Variants in GRIN2A observed in about 807,000 individuals in gnomAD.
GRIN2A encodes the protein glutamate ionotropic receptor NMDA type subunit 2A, also known as glutamate receptor ionotropic, NMDA 2A.
Under a neutral mutation model 113.4 loss-of-function variants are expected in GRIN2A, and 22 were observed. The observed-to-expected ratio is 0.19, with a 90% CI of 0.14 to 0.28. The LOEUF is 0.28. GRIN2A is among the 10% of genes least tolerant of loss of function. GRIN2A has a pLI of 1.00. For missense variants in GRIN2A, 1,502 were observed against 1,887.0 expected, an observed-to-expected ratio of 0.80 and a Z score of 3.78; for synonymous variants, 827 against 738.4, an observed-to-expected ratio of 1.12 and a Z score of -1.94.
intron 2 of GRIN2A, among the ~76,000 whole-genome samples, chr16:9,980,955 T>C (rs563681875): frequency 6.6e-6 from 1 of 151,638 alleles, no homozygotes; most frequent in South Asian, 2.1e-4. Context: ...AACCTGCACG[T>C]TGTGCACATG....
chr16:9,850,026 C>G (rs879085333), intron 4 of GRIN2A, 65 bp from the exon 5 acceptor site: 49 of 1,346,856 alleles, frequency 3.6e-5, no homozygotes, highest in Non-Finnish European at 5.2e-5. Context: ...AGAGGCAAAT[C>G]CTTTCCCTGC....
intron 2 of GRIN2A, among the ~76,000 whole-genome samples, chr16:9,974,662 G>A (rs1488462510): frequency 6.6e-6 from 1 of 152,140 alleles, no homozygotes. Flanking sequence ...AGGGGAATGA[G>A]TAGGCCCTAT....
intron 3 of GRIN2A, among the ~76,000 whole-genome samples, chr16:9,913,592 A>G (rs966205837): frequency 5.3e-5 from 8 of 152,192 alleles, no homozygotes; most frequent in Non-Finnish European, 1.2e-4. Context: ...ATCGCATTTT[A>G]TACTTCAGCA....
At chr16:9,818,258 G>T (rs2042221127) in intron 10 of GRIN2A, among the ~76,000 whole-genome samples, 1 of 151,238 alleles carries the variant, frequency 6.6e-6, no homozygotes, top group Non-Finnish European at 1.5e-5. Flanking sequence ...TAGCTCTGTG[G>T]TGGTAATTCT....
chr16:10,072,784 T>A (rs2047782566), intron 2 of GRIN2A, among the ~76,000 whole-genome samples: 2 of 149,684 alleles, frequency 1.3e-5, no homozygotes, highest in South Asian at 2.1e-4. Flanking sequence ...TCCACATATT[T>A]AACAAGTTAT....
intron 2 of GRIN2A, among the ~76,000 whole-genome samples, chr16:9,949,438 G>C (rs542260663): frequency 6.6e-6 from 1 of 151,952 alleles, no homozygotes; most frequent in Non-Finnish European, 1.5e-5. Flanking sequence ...TGGATGGGTG[G>C]GTGGATGAAT....
At chr16:10,091,485 CACACACAA>C (rs1398267328) in intron 2 of GRIN2A, among the ~76,000 whole-genome samples, 1 of 148,394 alleles carries the variant, frequency 6.7e-6, no homozygotes. Context: ...CACACACACA[CACACACAA>C]ACACACAAAA....
At chr16:9,861,702 T>C (rs2043071743) in intron 4 of GRIN2A, among the ~76,000 whole-genome samples, 1 of 152,214 alleles carries the variant, frequency 6.6e-6, no homozygotes, top group African/African-American at 2.4e-5. Flanking sequence ...TCTGCTGAAA[T>C]CAAGCGTCAC....
chr16:10,094,284 G>A (rs2048241452), intron 2 of GRIN2A, among the ~76,000 whole-genome samples: 1 of 152,208 alleles, frequency 6.6e-6, no homozygotes, highest in South Asian at 2.1e-4. Flanking sequence ...GAGGAAAGGT[G>A]AGAGTTACAG....
chr16:9,793,261 C>T (rs552522849), intron 11 of GRIN2A, among the ~76,000 whole-genome samples: 1 of 152,274 alleles, frequency 6.6e-6, no homozygotes, highest in Non-Finnish European at 1.5e-5. Flanking sequence ...TCCCTTTTCT[C>T]AGCATCACTT....
intron 3 of GRIN2A, among the ~76,000 whole-genome samples, chr16:9,922,602 T>C (rs2044378317): frequency 6.6e-6 from 1 of 152,146 alleles, no homozygotes. Context: ...GAGCAGCAAC[T>C]AACCAAGCAA....
chr16:10,039,769 G>A (rs1372327494), intron 2 of GRIN2A, among the ~76,000 whole-genome samples: 39 of 132,224 alleles, frequency 2.9e-4, no homozygotes, highest in Non-Finnish European at 4.9e-4. Flanking sequence ...TGCAAGGGAG[G>A]GAGAGGGAGG....
At chr16:9,961,698 C>A (rs1005864187) in intron 2 of GRIN2A, among the ~76,000 whole-genome samples, 9 of 152,184 alleles carry the variant, frequency 5.9e-5, no homozygotes, top group Admixed American at 2.6e-4. Flanking sequence ...AACGGCCATA[C>A]TGCCCAAGGT....
chr16:9,779,762 AG>A (rs997211709), intron 11 of GRIN2A, among the ~76,000 whole-genome samples: 15 of 152,226 alleles, frequency 9.9e-5, no homozygotes, highest in African/African-American at 3.4e-4. Context: ...CCCGCTCCCC[AG>A]GTATGGAGGT....
chr16:10,138,999 A>G (rs965688693), intron 2 of GRIN2A, among the ~76,000 whole-genome samples: 11 of 152,222 alleles, frequency 7.2e-5, no homozygotes, highest in African/African-American at 2.7e-4. Flanking sequence ...AAGCCTTGCA[A>G]TTAAGAAAAC....
chr16:10,156,237 G>A (rs1008058255), intron 2 of GRIN2A, among the ~76,000 whole-genome samples: 2 of 152,166 alleles, frequency 1.3e-5, no homozygotes, highest in African/African-American at 4.8e-5. Context: ...CAAATCTTCT[G>A]ATGCAAAAGT....
Position 10,006,401 on chromosome 16 carries a change from C to T in GRIN2A, c.415-67850G>A, listed in dbSNP as rs141198062. On this transcript the variant is annotated intron_variant, in intron 2 of 12. Transcript: ENST00000330684. ...TGAGATAGAGAGTGCTAAGGGGGAG[C>T]GGTCAAGGAGGATCTATCACTCCTA... Among the ~76,000 whole-genome samples, 244 of 152,230 alleles carry T rather than the reference C, an allele frequency of 1.6e-3. 3 individuals carry two copies. The highest frequency in any genetic ancestry group is 5.7e-3 in the African/African-American group (235 of 41,544).
intron 2 of GRIN2A, among the ~76,000 whole-genome samples, chr16:9,966,128 T>C (rs1356724735): frequency 1.3e-5 from 2 of 152,120 alleles, no homozygotes; most frequent in South Asian, 2.1e-4. Context: ...ACTTTTCTTT[T>C]ACTTTTAAGT....
chr16:9,941,941 G>A (rs2044889234), intron 2 of GRIN2A, among the ~76,000 whole-genome samples: 1 of 152,124 alleles, frequency 6.6e-6, no homozygotes, highest in Admixed American at 6.5e-5. Context: ...AATCAGGTTT[G>A]CCTGCCCTCA....
Sources: allele counts gnomAD v4.1 joint callset (sites outside exome capture counted in the v4.1 genomes callset), GRCh38; gene constraint gnomAD v4.1.1; transcripts MANE v1.5; gene names NCBI Gene and HGNC (gene_info 2026-07-23, HGNC 2026-07-21).